The following NRG2 variants were observed in gnomAD, a reference collection of about 807,000 sequenced individuals.
The protein encoded by NRG2 is pro-neuregulin-2, membrane-bound isoform.
Under a neutral mutation model 73.9 loss-of-function variants are expected in NRG2, and 27 were observed. The ratio of observed to expected loss-of-function variants is 0.37; its 90% CI spans 0.27 to 0.50. The LOEUF (loss-of-function observed/expected upper bound fraction) is 0.50, where lower values mean the gene tolerates loss of function less well. Ranked by LOEUF, NRG2 falls within the 20% of genes least tolerant of loss-of-function variation. The pLI is 0.96. For synonymous variants in NRG2, 532 were observed against 541.0 expected (o/e 0.98, Z 0.23); for missense variants, 1,126 against 1,210.1 (o/e 0.93, Z 1.03).
At chr5:139,989,995 A>G (rs398299) in intron 1 of NRG2, among the ~76,000 whole-genome samples, 2,099 of 151,158 alleles carry the variant, frequency 0.014, 47 homozygotes, top group African/African-American at 0.035. Context: ...TCACCATGTT[A>G]GCCAGGATGG....
intron 1 of NRG2, among the ~76,000 whole-genome samples, chr5:139,937,327 T>C (rs1580770412): frequency 6.6e-6 from 1 of 152,184 alleles, no homozygotes; most frequent in East Asian, 1.9e-4. Context: ...CTCGATCTGA[T>C]AAAAGGCATC....
intron 2 of NRG2, among the ~76,000 whole-genome samples, chr5:139,885,638 T>A (rs1464781435): frequency 6.6e-6 from 1 of 151,044 alleles, no homozygotes; most frequent in Non-Finnish European, 1.5e-5. Context: ...CGGGCGTGGG[T>A]TTGTTGGTAG....
chr5:139,935,277 C>T (rs577177145), intron 1 of NRG2, among the ~76,000 whole-genome samples: 23 of 152,242 alleles, frequency 1.5e-4, no homozygotes, highest in African/African-American at 3.9e-4. Flanking sequence ...ACTACTATAA[C>T]GAGATTTCAA....
At chr5:139,990,773 T>A (rs892752513) in intron 1 of NRG2, among the ~76,000 whole-genome samples, 7 of 152,226 alleles carry the variant, frequency 4.6e-5, no homozygotes, top group Non-Finnish European at 7.3e-5. Flanking sequence ...CTCCATGTTT[T>A]TATTGATCTT....
chr5:140,001,491 C>T (rs1372408031), intron 1 of NRG2, among the ~76,000 whole-genome samples: 4 of 151,924 alleles, frequency 2.6e-5, no homozygotes, highest in Admixed American at 6.6e-5. Context: ...AATATATAGC[C>T]CAATTATAAA....
At chr5:139,874,432 G>A (rs1763049860) in intron 3 of NRG2, among the ~76,000 whole-genome samples, 1 of 152,118 alleles carries the variant, frequency 6.6e-6, no homozygotes, top group Non-Finnish European at 1.5e-5. Context: ...AAGTCCTAGA[G>A]GGCATCTTTG....
At chr5:139,902,140 A>C (rs1379458598) in intron 1 of NRG2, among the ~76,000 whole-genome samples, 1 of 152,214 alleles carries the variant, frequency 6.6e-6, no homozygotes, top group African/African-American at 2.4e-5. Context: ...GAGTGGGCTT[A>C]TTACCCAACA....
At position 139,868,373 on chromosome 5, in the gene NRG2, T is replaced by C. The variant is rs1326418308; in HGVS notation, c.1113-2748A>G. Among the ~76,000 whole-genome samples, 1 of 151,830 alleles carries C rather than the reference T, an allele frequency of 6.6e-6. No individual in the cohort carries two copies. The highest frequency in any genetic ancestry group is 2.4e-5 in the African/African-American group (1 of 41,292). On this transcript the variant is annotated intron_variant, in intron 4 of 9. Transcript: ENST00000361474. The surrounding 1 kb of genome is among the most constrained non-coding windows in gnomAD (Gnocchi z 4.2). ...ATTAGCCTATCAACCAGGTTGGGAG[T>C]CTGAACTCAGCATTGGGGGCTGGGT... is the stretch of plus-strand genomic sequence containing the variant.
intron 1 of NRG2, among the ~76,000 whole-genome samples, chr5:140,031,183 G>A (rs986590462): frequency 1.3e-5 from 2 of 152,134 alleles, no homozygotes; most frequent in Admixed American, 1.3e-4. Flanking sequence ...TTGACAATGG[G>A]GGCTGAAGAA....
intron 2 of NRG2, among the ~76,000 whole-genome samples, chr5:139,885,398 T>A (rs1763797919): frequency 6.6e-6 from 1 of 152,152 alleles, no homozygotes; most frequent in Non-Finnish European, 1.5e-5. Context: ...AGTGCAAAGA[T>A]AACTGCGGTT....
intron 1 of NRG2, among the ~76,000 whole-genome samples, chr5:139,938,905 AAAAGAAAG>A (rs1164805368): frequency 0.078 from 5,881 of 75,120 alleles, 223 homozygotes; most frequent in African/African-American, 0.1. Flanking sequence ...AGAAAGAAAG[AAAAGAAAG>A]AAAGAAAGAA....
Position 139,851,810 on chromosome 5 carries a change from G to A in NRG2, c.1566C>T (p.Ser522=). 1 of 1,614,174 alleles carries A rather than the reference G, an allele frequency of 6.2e-7. No homozygotes were observed. Among genetic ancestry groups the A allele is most frequent in the Non-Finnish European group, 8.5e-7 (1 of 1,180,022 alleles). Residue 522 remains serine (S), a synonymous_variant, in exon 9 of 10, where the codon AGC becomes AGT. Coordinates refer to ENST00000361474, the MANE Select transcript of NRG2 (RefSeq NM_004883.3). This position sits in a 1 kb window ranked among gnomAD's most constrained non-coding sequence, Gnocchi z 4.2. ...SSHRHESHTW[S]LERSESLTSD... ...AAGTCAGGCTCTCAGAACGTTCCAG[G>A]CTCCACGTGTGGCTCTCGTGTCTGG...
Position 139,880,947 on chromosome 5 carries a change from C to T in NRG2, c.900G>A (p.Lys300=), listed in dbSNP as rs1763493742. Residue 300 remains lysine (K), a synonymous_variant, in exon 3 of 10, where the codon AAG becomes AAA. Transcript: ENST00000361474. Reference sequence around the variant, plus strand: ...ACTCCCCAGCGTCCTCCACCTTCACCTTGTTGAACTGTAGTCGTGAGTTCT... The same window carrying T: ...ACTCCCCAGCGTCCTCCACCTTCACTTTGTTGAACTGTAGTCGTGAGTTCT... ...GRKNSRLQFN[K]VKVEDAGEYV... The T allele has an allele frequency of 6.2e-7, 1 of 1,614,202 alleles. No individual in the cohort carries two copies. Among genetic ancestry groups the T allele is most frequent in the Non-Finnish European group, 8.5e-7 (1 of 1,180,006 alleles).
At chr5:139,901,577 G>A (rs1453920633) in intron 1 of NRG2, among the ~76,000 whole-genome samples, 1 of 152,222 alleles carries the variant, frequency 6.6e-6, no homozygotes, top group Non-Finnish European at 1.5e-5. Context: ...AGAGGCAGGA[G>A]ATAGCAAAGA....
chr5:139,939,310 C>G (rs1753211114), intron 1 of NRG2, among the ~76,000 whole-genome samples: 2 of 147,202 alleles, frequency 1.4e-5, no homozygotes, highest in East Asian at 2.0e-4. Flanking sequence ...GAGTCTTGCT[C>G]TGTTGCCCAG....
At chr5:139,909,523 AGTTGAAGACATCCCT>A (rs1364150603) in intron 1 of NRG2, among the ~76,000 whole-genome samples, 2 of 152,192 alleles carry the variant, frequency 1.3e-5, no homozygotes, top group Admixed American at 6.5e-5. Context: ...TCTCCATCCC[AGTTGAAGACATCCCT>A]GAGCCATCTC....
intron 1 of NRG2, among the ~76,000 whole-genome samples, chr5:139,980,022 G>A (rs971843365): frequency 2.0e-5 from 3 of 152,160 alleles, no homozygotes; most frequent in East Asian, 1.9e-4. Context: ...ACAAAACAAA[G>A]CAAAACCCTC....
chr5:139,876,924 T>A (rs1189471966), intron 3 of NRG2, among the ~76,000 whole-genome samples: 1 of 106,574 alleles, frequency 9.4e-6, no homozygotes, highest in Admixed American at 1.2e-4. Context: ...TGAATGTGCA[T>A]CTGTGTGTGT....
Position 139,869,581 on chromosome 5 carries a change from G to C in NRG2, c.1112+2140C>G, listed in dbSNP as rs1296776165. On this transcript the variant is annotated intron_variant, in intron 4 of 9. Coordinates refer to ENST00000361474, the MANE Select transcript of NRG2 (RefSeq NM_004883.3). This position sits in a 1 kb window ranked among gnomAD's most constrained non-coding sequence, Gnocchi z 4.5. Reference sequence around the variant, plus strand: ...TGGTGTTCTGACCGCATCTCCACCAGGGCTGCCCTCTCCCCCGAGGGCTGA... The same window carrying C: ...TGGTGTTCTGACCGCATCTCCACCACGGCTGCCCTCTCCCCCGAGGGCTGA... 1 of 151,330 alleles carries C rather than the reference G, an allele frequency of 6.6e-6. No individual in the cohort carries two copies. The highest frequency in any genetic ancestry group is 1.5e-5 in the Non-Finnish European group (1 of 67,920). The allele number at this position is 151,330 out of a possible 1,614,324, so 9.4% of individuals were successfully genotyped here.
Sources: allele counts gnomAD v4.1 joint callset (sites outside exome capture counted in the v4.1 genomes callset), GRCh38; gene constraint gnomAD v4.1.1; non-coding constraint Gnocchi (gnomAD v3.1); transcripts MANE v1.5; gene names NCBI Gene and HGNC (gene_info 2026-07-23, HGNC 2026-07-21).